HS6ST3: variants seen among roughly 807,000 people sequenced by gnomAD.
HS6ST3 encodes the protein heparan-sulfate 6-O-sulfotransferase 3.
HS6ST3 carries 12 observed loss-of-function variants against 36.7 expected under a neutral mutation model. The ratio of observed to expected loss-of-function variants is 0.33; its 90% CI spans 0.21 to 0.53. HS6ST3 has a LOEUF of 0.53. Among genes scored for constraint, HS6ST3 ranks in the 20% least tolerant of loss-of-function variants. HS6ST3 has a pLI of 0.95. For synonymous variants in HS6ST3, 240 were observed against 257.5 expected (o/e 0.93, Z 0.65); for missense variants, 584 against 640.9 (o/e 0.91, Z 0.96).
chr13:96,412,540 G>A (rs2055513162), intron 1 of HS6ST3, among the ~76,000 whole-genome samples: 1 of 152,102 alleles, frequency 6.6e-6, no homozygotes, highest in Non-Finnish European at 1.5e-5. Flanking sequence ...GGATTAAGAA[G>A]ATTCTTGGGT....
chr13:96,577,581 G>A (rs2056326444), intron 1 of HS6ST3, among the ~76,000 whole-genome samples: 1 of 152,126 alleles, frequency 6.6e-6, no homozygotes, highest in Non-Finnish European at 1.5e-5. Context: ...CCAGATTCTT[G>A]AGGAATCGCC....
chr13:96,411,102 G>A (rs752819708), intron 1 of HS6ST3, among the ~76,000 whole-genome samples: 1 of 152,186 alleles, frequency 6.6e-6, no homozygotes, highest in African/African-American at 2.4e-5. Context: ...TTCAAAATAT[G>A]TATTTAAAAT....
chr13:96,751,489 T>C (rs551686330), intron 1 of HS6ST3, among the ~76,000 whole-genome samples: 1 of 152,284 alleles, frequency 6.6e-6, no homozygotes, highest in African/African-American at 2.4e-5. Context: ...CCATCTTTAC[T>C]TCAGACTTCT....
intron 1 of HS6ST3, among the ~76,000 whole-genome samples, chr13:96,172,993 A>C (rs1279200917): frequency 6.6e-6 from 1 of 152,198 alleles, no homozygotes; most frequent in East Asian, 1.9e-4. Flanking sequence ...GCTATTTGCC[A>C]AATTTTGTTT....
chr13:96,385,569 A>G (rs1355096946), intron 1 of HS6ST3, among the ~76,000 whole-genome samples: 1 of 152,208 alleles, frequency 6.6e-6, no homozygotes, highest in Non-Finnish European at 1.5e-5. Context: ...CAGAGAAGTT[A>G]CCTGCCCACT....
At chr13:96,529,415 T>C (rs908429310) in intron 1 of HS6ST3, among the ~76,000 whole-genome samples, 1 of 152,158 alleles carries the variant, frequency 6.6e-6, no homozygotes, top group Non-Finnish European at 1.5e-5. Flanking sequence ...GATTCAGATA[T>C]ATTAATATTT....
chr13:96,388,918 TCTTTC>T (rs949280530), intron 1 of HS6ST3, among the ~76,000 whole-genome samples: 1 of 152,222 alleles, frequency 6.6e-6, no homozygotes, highest in Non-Finnish European at 1.5e-5. Context: ...CAATTAAACC[TCTTTC>T]CTTTAAGTTA....
At chr13:96,168,534 C>T (rs190284187) in intron 1 of HS6ST3, among the ~76,000 whole-genome samples, 1 of 151,764 alleles carries the variant, frequency 6.6e-6, no homozygotes, top group East Asian at 1.9e-4. Flanking sequence ...AGGGAGACCT[C>T]GTCTCTACAA....
At chr13:96,197,160 G>A (rs1014722264) in intron 1 of HS6ST3, among the ~76,000 whole-genome samples, 5 of 152,202 alleles carry the variant, frequency 3.3e-5, no homozygotes, top group East Asian at 1.9e-4. Flanking sequence ...TCATGCTGCT[G>A]ATAAAGACAT....
intron 1 of HS6ST3, among the ~76,000 whole-genome samples, chr13:96,332,169 A>G (rs544923909): frequency 6.6e-6 from 1 of 152,258 alleles, no homozygotes; most frequent in African/African-American, 2.4e-5. Flanking sequence ...GGAGCTGTAG[A>G]CCAGAGCTGT....
intron 1 of HS6ST3, among the ~76,000 whole-genome samples, chr13:96,748,696 G>A (rs555424773): frequency 2.0e-4 from 30 of 152,136 alleles, no homozygotes; most frequent in Admixed American, 5.9e-4. Flanking sequence ...TCACTTGAGT[G>A]CTTGAAGTCA....
intron 1 of HS6ST3, among the ~76,000 whole-genome samples, chr13:96,568,349 C>T (rs1263955779): frequency 6.6e-6 from 1 of 152,222 alleles, no homozygotes; most frequent in Non-Finnish European, 1.5e-5. Context: ...TCACTGCAAC[C>T]TCTGCCTCCT....
At chr13:96,549,014 A>G (rs2056208707) in intron 1 of HS6ST3, among the ~76,000 whole-genome samples, 2 of 152,190 alleles carry the variant, frequency 1.3e-5, no homozygotes, top group Non-Finnish European at 1.5e-5. Context: ...GAAGCCAGTT[A>G]TGGTTACTCC....
intron 1 of HS6ST3, among the ~76,000 whole-genome samples, chr13:96,325,850 A>G (rs1344835032): frequency 3.9e-5 from 6 of 152,226 alleles, no homozygotes; most frequent in South Asian, 2.1e-4. Flanking sequence ...TAACGTTAGT[A>G]AGTAGTGGTT....
Position 96,090,435 on chromosome 13 carries a change from G to A in HS6ST3, c.-428G>A, listed in dbSNP as rs969108777. Among the ~76,000 whole-genome samples, 3 of 146,304 alleles carry A rather than the reference G, an allele frequency of 2.1e-5. No individual in the cohort carries two copies. The highest frequency in any genetic ancestry group is 7.3e-5 in the African/African-American group (3 of 40,856). On this transcript the variant is annotated 5_prime_UTR_variant, in exon 1 of 2. Coordinates refer to ENST00000376705, the MANE Select transcript of HS6ST3 (RefSeq NM_153456.4). ...GCCCTGGCGAGCCTCATGCAGCCCC[G>A]GCGCTCGCGGCCGCAGCTACCCGGC...
intron 1 of HS6ST3, among the ~76,000 whole-genome samples, chr13:96,131,840 G>C (rs1594687981): frequency 6.8e-6 from 1 of 147,408 alleles, no homozygotes; most frequent in Non-Finnish European, 1.5e-5. Context: ...TTTTAAATTT[G>C]TAACCTGACA....
In HS6ST3 at chr13:96,090,346, C is replaced by G. The variant is rs2053754105; in HGVS notation, c.-517C>G. 1.4e-5 allele frequency among the ~76,000 whole-genome samples: 2 copies of G among 146,628 alleles called. No individual in the cohort carries two copies. The highest frequency in any genetic ancestry group is 6.8e-5 in the Admixed American group (1 of 14,778). ...CGGCAAAGGCGCCGGGCGCGCGTGC[C>G]GGGCGCGGTGCCCGCGGCCGGCCGG... On this transcript the variant is annotated 5_prime_UTR_variant, in exon 1 of 2. Coordinates refer to ENST00000376705, the MANE Select transcript of HS6ST3 (RefSeq NM_153456.4).
intron 1 of HS6ST3, among the ~76,000 whole-genome samples, chr13:96,369,257 C>T (rs1219481167): frequency 2.0e-5 from 3 of 152,084 alleles, no homozygotes; most frequent in African/African-American, 7.2e-5. Context: ...CTGCTTGGAG[C>T]AAAGCCACCA....
intron 1 of HS6ST3, among the ~76,000 whole-genome samples, chr13:96,095,224 C>T (rs1461574544): frequency 6.6e-6 from 1 of 152,188 alleles, no homozygotes; most frequent in African/African-American, 2.4e-5. Context: ...TAAGCACCTG[C>T]TTACTATGTG....
Sources: gnomAD v4.1 joint callset for allele counts (sites outside exome capture counted in the v4.1 genomes callset) on GRCh38, gnomAD v4.1.1 for gene constraint, MANE v1.5 for transcripts, NCBI Gene and HGNC (gene_info 2026-07-23, HGNC 2026-07-21) for gene names.